Variants in CELA2B observed in about 807,000 individuals in gnomAD.
CELA2B encodes the protein chymotrypsin like elastase 2B, also known as chymotrypsin-like elastase family member 2B.
A neutral mutation model predicts 36.5 loss-of-function variants in CELA2B; 27 were observed. The ratio of observed to expected loss-of-function variants is 0.74; its 90% confidence interval spans 0.55 to 1.02. The LOEUF (loss-of-function observed/expected upper bound fraction) is 1.02. CELA2B is among the 50% of genes least tolerant of loss of function. The pLI, the probability that CELA2B is intolerant of heterozygous loss-of-function variation, is 0.00. For synonymous variants in CELA2B, 143 were observed against 148.5 expected (o/e 0.96, Z 0.27); for missense variants, 340 against 347.8 (o/e 0.98, Z 0.18).
At chr1:15,487,506 C>A (rs45626835) in intron 7 of CELA2B, 69 bp downstream of exon 7, 1,371 of 1,570,366 alleles carry the variant, frequency 8.7e-4, no homozygotes, top group Admixed American at 2.2e-3. Flanking sequence ...GTGCCATGCC[C>A]ACCTGGCGAC....
chr1:15,485,989 C>T lies in CELA2B; in HGVS notation c.582C>T (p.Ser194=). ...GCTCCAGCTCTGGCTGGTGGGGCAG[C>T]ACCGTGAAGACGAATATGATCTGTG... The part of the protein sequence containing the change: ...ATCSSSGWWG[S]TVKTNMICAG... Residue 194 remains serine, a synonymous_variant, in exon 6 of 8, where the codon AGC becomes AGT. Transcript: ENST00000375910. 6.2e-7 allele frequency: 1 copy of T among 1,614,162 alleles called. No homozygotes were observed. The highest frequency in any genetic ancestry group is 1.1e-5 in the South Asian group (1 of 91,068).
chr1:15,480,507 G>A lies in CELA2B; in HGVS notation c.130-591G>A, dbSNP rs182388380. Among the ~76,000 whole-genome samples, 195 of 152,280 alleles carry A rather than the reference G, an allele frequency of 1.3e-3. 1 individual carries two copies. The highest frequency in any genetic ancestry group is 4.4e-3 in the African/African-American group (182 of 41,546). On this transcript the variant is annotated intron_variant, in intron 2 of 7. Coordinates refer to ENST00000375910, the MANE Select transcript of CELA2B (RefSeq NM_015849.3). Reference sequence around the variant, plus strand: ...TGACTCACAGCTCAGCATGGCTGGGGAGGCCTCAGGAAACTTACAATCATG... The same window carrying A: ...TGACTCACAGCTCAGCATGGCTGGGAAGGCCTCAGGAAACTTACAATCATG...
In CELA2B at chr1:15,486,001, G is replaced by T; in HGVS notation, c.594G>T (p.Thr198=). 1 of 1,614,156 alleles carries T rather than the reference G, an allele frequency of 6.2e-7. No homozygotes were observed. Among genetic ancestry groups the T allele is most frequent in the South Asian group, 1.1e-5 (1 of 91,084 alleles). The change falls in exon 6 of 8, where the codon ACG becomes ACT. Residue 198 remains threonine, a synonymous_variant. Coordinates refer to ENST00000375910, the MANE Select transcript of CELA2B (RefSeq NM_015849.3). ...SSGWWGSTVK[T]NMICAGGDGV... is the part of the protein sequence containing the mutation. ...GCTGGTGGGGCAGCACCGTGAAGAC[G>T]AATATGATCTGTGCTGGGGGTGATG...
chr1:15,490,342 CTT>C (rs1708866385), intron 7 of CELA2B, among the ~76,000 whole-genome samples: 2 of 152,158 alleles, frequency 1.3e-5, no homozygotes, highest in African/African-American at 4.8e-5. Flanking sequence ...CTATTTTTCA[CTT>C]AACACCTTAT....
intron 7 of CELA2B, among the ~76,000 whole-genome samples, chr1:15,487,886 T>C (rs144851373): frequency 1.9e-4 from 29 of 152,296 alleles, no homozygotes; most frequent in African/African-American, 6.7e-4. Flanking sequence ...TGACCAACCA[T>C]CCCAGTTTGC....
In CELA2B at chr1:15,481,094, C is replaced by A. The variant is rs1458255283; in HGVS notation, c.130-4C>A. ...CACAGCCACAGACCTGTGTTTCTCC[C>A]CAGGTCTCCCTGCAGTACAGCTCCA... On this transcript the variant is annotated splice_polypyrimidine_tract_variant and splice_region_variant and intron_variant, in intron 2 of 7. Coordinates refer to ENST00000375910, the MANE Select transcript of CELA2B (RefSeq NM_015849.3). 1.9e-6 allele frequency: 3 copies of A among 1,612,038 alleles called. No homozygotes were observed. The highest frequency in any genetic ancestry group is 2.5e-6 in the Non-Finnish European group (3 of 1,179,856).
intron 7 of CELA2B, among the ~76,000 whole-genome samples, chr1:15,488,473 A>G (rs1368758567): frequency 6.6e-6 from 1 of 152,230 alleles, no homozygotes; most frequent in Non-Finnish European, 1.5e-5. Context: ...CCAGAAGAGG[A>G]AACCCCGTCA....
chr1:15,491,273 T>A (rs1175384813), intron 7 of CELA2B, 22 bp from the exon 8 acceptor site: 9 of 1,613,940 alleles, frequency 5.6e-6, no homozygotes, highest in Non-Finnish European at 7.6e-6. Flanking sequence ...CCTGACAATT[T>A]TCTTGTGTGT....
intron 6 of CELA2B, 47 bp downstream of exon 6, chr1:15,486,093 G>A: frequency 2.5e-6 from 4 of 1,598,364 alleles, no homozygotes; most frequent in Non-Finnish European, 1.7e-6. Flanking sequence ...AAATGTGGCT[G>A]GGGATGGGAA....
intron 4 of CELA2B, 107 bp from the exon 5 acceptor site, chr1:15,483,157 C>G (rs149546145): frequency 6.5e-7 from 1 of 1,539,630 alleles, no homozygotes; most frequent in African/African-American, 1.4e-5. Context: ...GTCAGAGCAA[C>G]CTGGGGTAAC....
intron 2 of CELA2B, 39 bp from the exon 3 acceptor site, chr1:15,481,059 C>T (rs750193685): frequency 4.3e-6 from 7 of 1,610,454 alleles, no homozygotes; most frequent in South Asian, 2.2e-5. Flanking sequence ...GGAGGCCCTG[C>T]TTTTTCAGCC....
intron 2 of CELA2B, 99 bp downstream of exon 2, chr1:15,476,644 A>T: frequency 8.7e-7 from 1 of 1,150,816 alleles, no homozygotes; most frequent in Non-Finnish European, 1.3e-6. Context: ...TGGCAAAGTT[A>T]GGATTGATGG....
At chr1:15,483,955 C>T (rs1187198389) in intron 5 of CELA2B, among the ~76,000 whole-genome samples, 1 of 151,316 alleles carries the variant, frequency 6.6e-6, no homozygotes, top group East Asian at 1.9e-4. Context: ...ATAATAATAC[C>T]ACCTACATCA....
chr1:15,483,929 C>CAA (rs111370462), intron 5 of CELA2B, among the ~76,000 whole-genome samples: 5 of 138,314 alleles, frequency 3.6e-5, no homozygotes, highest in Non-Finnish European at 7.9e-5. Context: ...ACTCCATCTC[C>CAA]AAAAAAAAAA....
At chr1:15,485,641 G>A (rs145811722) in intron 5 of CELA2B, among the ~76,000 whole-genome samples, 76 of 152,300 alleles carry the variant, frequency 5.0e-4, no homozygotes, top group African/African-American at 1.7e-3. Flanking sequence ...CTCTGGAACC[G>A]GAATCTCTTA....
intron 7 of CELA2B, among the ~76,000 whole-genome samples, chr1:15,488,159 G>A (rs1708828693): frequency 6.6e-6 from 1 of 152,224 alleles, no homozygotes; most frequent in Non-Finnish European, 1.5e-5. Context: ...GGCCAAGGAA[G>A]GAGGATTGCT....
intron 7 of CELA2B, among the ~76,000 whole-genome samples, chr1:15,489,466 G>A (rs1708845864): frequency 2.0e-5 from 3 of 152,200 alleles, no homozygotes; most frequent in Non-Finnish European, 2.9e-5. Context: ...GGTGGGGGCT[G>A]CCCCTGGCAG....
intron 7 of CELA2B, among the ~76,000 whole-genome samples, chr1:15,490,275 CAT>C (rs746288317): frequency 0.14 from 14,320 of 100,010 alleles, 748 homozygotes; most frequent in East Asian, 0.37. Flanking sequence ...CACACACACA[CAT>C]AGACACTGTC....
At chr1:15,487,861 AG>A (rs2103315841) in intron 7 of CELA2B, among the ~76,000 whole-genome samples, 1 of 152,322 alleles carries the variant, frequency 6.6e-6, no homozygotes, top group Admixed American at 6.5e-5. Flanking sequence ...AGGGTCCTCC[AG>A]CTATTCTGTA....
Sources: gnomAD v4.1 joint callset for allele counts (sites outside exome capture counted in the v4.1 genomes callset) on GRCh38, gnomAD v4.1.1 for gene constraint, MANE v1.5 for transcripts, NCBI Gene and HGNC (gene_info 2026-07-23, HGNC 2026-07-21) for gene names.